GFRA2: variants seen among roughly 807,000 people sequenced by gnomAD.
GFRA2 encodes the protein GDNF family receptor alpha 2.
In GFRA2, 17 loss-of-function variants were observed where a neutral mutation model predicts 48.3. The ratio of observed to expected loss-of-function variants is 0.35; its 90% CI spans 0.24 to 0.53. The LOEUF (loss-of-function observed/expected upper bound fraction) is 0.53. GFRA2 is among the 20% of genes least tolerant of loss of function. The probability of loss-of-function intolerance (pLI) is 0.93; values close to 1 mark genes in which losing one functional copy is unlikely to be tolerated. For missense variants in GFRA2, 660 were observed against 637.3 expected, an observed-to-expected ratio of 1.04 and a Z score of -0.38; for synonymous variants, 305 against 257.2, an observed-to-expected ratio of 1.19 and a Z score of -1.78.
At chr8:21,704,111 C>T (rs1802620930) in intron 6 of GFRA2, among the ~76,000 whole-genome samples, 1 of 152,236 alleles carries the variant, frequency 6.6e-6, no homozygotes, top group African/African-American at 2.4e-5. Flanking sequence ...TGTAGCAAGG[C>T]TACGTGATTG....
At chr8:21,778,811 C>T (rs1017833584) in intron 2 of GFRA2, among the ~76,000 whole-genome samples, 5 of 152,120 alleles carry the variant, frequency 3.3e-5, no homozygotes, top group African/African-American at 4.8e-5. Context: ...CACTTCAGCC[C>T]AGAAACTTGA....
chr8:21,713,064 AAGGGAG>A (rs904634386), intron 4 of GFRA2, among the ~76,000 whole-genome samples: 13 of 129,734 alleles, frequency 1.0e-4, no homozygotes, highest in African/African-American at 3.3e-4. Context: ...AGACGAGGGA[AAGGGAG>A]AGGGAGAGGG....
chr8:21,769,247 G>GC (rs1806327513), intron 3 of GFRA2: 3 of 680,452 alleles, frequency 4.4e-6, no homozygotes, highest in African/African-American at 7.0e-5. Flanking sequence ...CCCCAGCCCC[G>GC]CCCCAGCCCC....
chr8:21,780,219 G>A (rs1806912487), intron 2 of GFRA2, among the ~76,000 whole-genome samples: 1 of 151,946 alleles, frequency 6.6e-6, no homozygotes, highest in Non-Finnish European at 1.5e-5. Flanking sequence ...CCGGGGAAAG[G>A]TCTCCTGCCC....
chr8:21,806,655 T>C (rs540272890), intron 1 of GFRA2, among the ~76,000 whole-genome samples: 4 of 152,174 alleles, frequency 2.6e-5, no homozygotes, highest in African/African-American at 9.7e-5. Flanking sequence ...TTTGTAGAGA[T>C]GGGGTCTTGC....
At chr8:21,709,143 A>C (rs1329650433) in intron 4 of GFRA2, among the ~76,000 whole-genome samples, 1 of 152,128 alleles carries the variant, frequency 6.6e-6, no homozygotes, top group Non-Finnish European at 1.5e-5. Flanking sequence ...CTCCCCACCA[A>C]AGGGCATCCA....
At chr8:21,804,627 C>T (rs553715714) in intron 2 of GFRA2, among the ~76,000 whole-genome samples, 3 of 152,224 alleles carry the variant, frequency 2.0e-5, no homozygotes, top group South Asian at 2.1e-4. Flanking sequence ...TCTGTCCCCA[C>T]GCTCTGTTTG....
chr8:21,706,553 CAA>C, intron 4 of GFRA2: 1 of 417,082 alleles, frequency 2.4e-6, no homozygotes, highest in Non-Finnish European at 4.9e-6. Flanking sequence ...GCCAGGGAGG[CAA>C]AAGAGTCTCC....
At chr8:21,783,923 T>A (rs1355443706) in intron 1 of GFRA2, among the ~76,000 whole-genome samples, 1 of 152,044 alleles carries the variant, frequency 6.6e-6, no homozygotes, top group Non-Finnish European at 1.5e-5. Context: ...TCAGCTCCTC[T>A]CTTTCTTTCC....
intron 4 of GFRA2, among the ~76,000 whole-genome samples, chr8:21,747,163 C>A (rs1805046903): frequency 6.6e-6 from 1 of 152,212 alleles, no homozygotes; most frequent in South Asian, 2.1e-4. Flanking sequence ...CGGTCTGCTC[C>A]ATCATTCCAC....
chr8:21,804,679 G>A (rs912211847), intron 2 of GFRA2, among the ~76,000 whole-genome samples: 1 of 152,198 alleles, frequency 6.6e-6, no homozygotes, highest in Admixed American at 6.5e-5. Flanking sequence ...TTTTCCTGCA[G>A]AGGTTTTTGC....
chr8:21,737,633 C>T (rs1435390158), intron 4 of GFRA2, among the ~76,000 whole-genome samples: 1 of 152,118 alleles, frequency 6.6e-6, no homozygotes, highest in African/African-American at 2.4e-5. Flanking sequence ...AGTACAGTCC[C>T]GCCGTCCAGG....
At chr8:21,723,994 G>A (rs1429207866) in intron 4 of GFRA2, among the ~76,000 whole-genome samples, 1 of 152,158 alleles carries the variant, frequency 6.6e-6, no homozygotes, top group Non-Finnish European at 1.5e-5. Context: ...CGCTGGCAGA[G>A]TAGAGTGTAT....
intron 3 of GFRA2, among the ~76,000 whole-genome samples, chr8:21,751,702 G>A (rs1805301712): frequency 6.6e-6 from 1 of 152,220 alleles, no homozygotes; most frequent in East Asian, 1.9e-4. Flanking sequence ...TTGGGGTGAG[G>A]AGGTAGGCTG....
intron 1 of GFRA2, among the ~76,000 whole-genome samples, chr8:21,787,264 G>GT (rs1351505854): frequency 7.6e-5 from 9 of 118,634 alleles, no homozygotes; most frequent in Admixed American, 4.2e-4. Context: ...TGGAGGCGGC[G>GT]GGGGGGGCAG....
At position 21,782,876 on chromosome 8, in the gene GFRA2, T is replaced by C. The variant is rs1267584784; in HGVS notation, c.64A>G (p.Ser22Gly). 6.4e-7 allele frequency: 1 copy of C among 1,562,950 alleles called. No individual in the cohort carries two copies. The highest frequency in any genetic ancestry group is 1.2e-5 in the South Asian group (1 of 86,002). The change falls in exon 2 of 9, where the codon AGC (serine) becomes GGC (glycine). Residue 22 changes from serine (S) to glycine (G), a missense_variant. By Grantham distance (56) the Ser-to-Gly change is moderately conservative (BLOSUM62 0). Coordinates refer to ENST00000524240, the MANE Select transcript of GFRA2 (RefSeq NM_001495.5). ...FLDETLRSLASPSSLQGPELH... is the reference protein window; with the variant it reads ...FLDETLRSLAGPSSLQGPELH... ...TCGGGGCCCTGCAGGGAGGAAGGGC[T>C]GGCCAAAGAGCGGAGGGTCTCGTCT...
upstream of GFRA2, among the ~76,000 whole-genome samples, chr8:21,792,922 C>G (rs1250986758): frequency 6.6e-6 from 1 of 152,154 alleles, no homozygotes; most frequent in Admixed American, 6.5e-5. Context: ...AAAAACATAT[C>G]CAGGTGCGGT....
intron 3 of GFRA2, among the ~76,000 whole-genome samples, chr8:21,769,675 ACG>A (rs1806354033): frequency 1.3e-5 from 2 of 149,982 alleles, no homozygotes; most frequent in African/African-American, 4.9e-5. Context: ...TCACACACAC[ACG>A]CAGAGGGTGA....
chr8:21,707,698 A>G (rs1306095812), intron 4 of GFRA2, among the ~76,000 whole-genome samples: 1 of 152,206 alleles, frequency 6.6e-6, no homozygotes, highest in Non-Finnish European at 1.5e-5. Flanking sequence ...CTTATGTATC[A>G]AATGAATAAA....
Sources: gnomAD v4.1 joint callset for allele counts (sites outside exome capture counted in the v4.1 genomes callset) on GRCh38, gnomAD v4.1.1 for gene constraint, MANE v1.5 for transcripts, NCBI Gene and HGNC (gene_info 2026-07-23, HGNC 2026-07-21) for gene names.